IMPA2: variants seen among roughly 807,000 people sequenced by gnomAD.
IMPA2 encodes IMP 2.
IMPA2 carries 32 observed loss-of-function variants against 35.1 expected under a neutral mutation model. The ratio of observed to expected loss-of-function variants is 0.91; its 90% CI spans 0.69 to 1.23. The LOEUF is 1.23. IMPA2 is among the 50% of genes most tolerant of loss of function. The pLI is 0.00. For synonymous variants in IMPA2, 135 were observed against 160.6 expected (o/e 0.84, Z 1.20); for missense variants, 334 against 387.6 (o/e 0.86, Z 1.16).
intron 4 of IMPA2, among the ~76,000 whole-genome samples, chr18:12,012,541 G>A (rs1041953859): frequency 3.9e-5 from 6 of 152,176 alleles, no homozygotes; most frequent in East Asian, 1.9e-4. Flanking sequence ...CCCCTAGAGC[G>A]TGTGATCTCA....
At chr18:11,986,089 C>T (rs1361244308) in intron 1 of IMPA2, among the ~76,000 whole-genome samples, 1 of 152,134 alleles carries the variant, frequency 6.6e-6, no homozygotes, top group Non-Finnish European at 1.5e-5. Context: ...TTACTTGTAA[C>T]AAAATCTCAG....
rs916276443 is a variant in IMPA2 at position 12,013,938 on chromosome 18, A to G, written c.382-327A>G. 5.3e-5 allele frequency among the ~76,000 whole-genome samples: 8 copies of G among 152,332 alleles called. No homozygotes were observed. In the South Asian group the frequency reaches 1.7e-3, roughly 32 times the overall value. ...AAGTAACATTCTTTTTTTCAGCAACAAAAGGGGCCTTTCTAAAAAATTAAG... is the reference window on the plus strand; with the variant it reads ...AAGTAACATTCTTTTTTTCAGCAACGAAAGGGGCCTTTCTAAAAAATTAAG... On this transcript the variant is annotated intron_variant, in intron 4 of 7. Coordinates refer to ENST00000269159, the MANE Select transcript of IMPA2 (RefSeq NM_014214.3).
rs1374482621 is a variant in IMPA2 at position 12,020,420 on chromosome 18, C to T, written c.490+6047C>T. Among the ~76,000 whole-genome samples, 7 of 152,074 alleles carry T rather than the reference C, an allele frequency of 4.6e-5. No individual in the cohort carries two copies. In the South Asian group the frequency reaches 6.2e-4, roughly 13 times the overall value. ...GTTGGTCAGGCTGGTCTCGAACTCCCGATCTCAGGTGATCTGCCCGCCTCG... is the reference window on the plus strand; with the variant it reads ...GTTGGTCAGGCTGGTCTCGAACTCCTGATCTCAGGTGATCTGCCCGCCTCG... On this transcript the variant is annotated intron_variant, in intron 5 of 7. Transcript: ENST00000269159.
At chr18:12,007,655 CTTTCTTTCTTTCTTT>C (rs1568032926) in intron 2 of IMPA2, among the ~76,000 whole-genome samples, 3 of 137,014 alleles carry the variant, frequency 2.2e-5, no homozygotes, top group East Asian at 4.3e-4. Context: ...TTCTTTCTTT[CTTTCTTTCTTTCTTT>C]CTTTCTTTCC....
chr18:12,023,982 C>T (rs2143823132), intron 5 of IMPA2, among the ~76,000 whole-genome samples: 1 of 152,254 alleles, frequency 6.6e-6, no homozygotes, highest in Admixed American at 6.5e-5. Context: ...TCAGAAATCC[C>T]ACTTGTGTTC....
At position 11,986,752 on chromosome 18, in the gene IMPA2, A is replaced by G. The variant is rs185680122; in HGVS notation, c.96+4987A>G. Among the ~76,000 whole-genome samples the G allele has an allele frequency of 1.3e-3, 202 of 152,276 alleles. 5 individuals are homozygous for G. In the South Asian group the frequency reaches 0.017, roughly 13 times the overall value. On this transcript the variant is annotated intron_variant, in intron 1 of 7. Coordinates refer to ENST00000269159, the MANE Select transcript of IMPA2 (RefSeq NM_014214.3). Reference sequence around the variant, plus strand: ...CGGAGTCCCTGTTCTCAATTTTCTGAGAGTTACACCCATTTCTAAGTAATA... The same window carrying G: ...CGGAGTCCCTGTTCTCAATTTTCTGGGAGTTACACCCATTTCTAAGTAATA...
intron 1 of IMPA2, among the ~76,000 whole-genome samples, chr18:11,982,287 A>C (rs1466792392): frequency 3.9e-5 from 6 of 152,226 alleles, no homozygotes; most frequent in African/African-American, 1.4e-4. Flanking sequence ...CACTGCCCGG[A>C]AGGATGAAAA....
At chr18:12,007,631 CTTTCTT>C (rs1446198513) in intron 2 of IMPA2, among the ~76,000 whole-genome samples, 2 of 28,506 alleles carry the variant, frequency 7.0e-5, no homozygotes, top group Non-Finnish European at 2.1e-4. Flanking sequence ...TTTCTTTCTT[CTTTCTT>C]TCTTTCTTTC....
intron 5 of IMPA2, chr18:12,017,977 T>C (rs1189882698): frequency 5.9e-6 from 1 of 170,500 alleles, no homozygotes; most frequent in Non-Finnish European, 1.3e-5. Context: ...GTTTCACTCT[T>C]GTTGCCCAGG....
chr18:12,025,969 C>T (rs1032982406), intron 5 of IMPA2, among the ~76,000 whole-genome samples: 3 of 151,472 alleles, frequency 2.0e-5, no homozygotes, highest in Non-Finnish European at 4.4e-5. Context: ...AGTCCAATTT[C>T]TATTTTTTAA....
intron 2 of IMPA2, 103 bp downstream of exon 2, chr18:11,999,290 C>T: frequency 2.6e-6 from 3 of 1,158,814 alleles, no homozygotes; most frequent in Non-Finnish European, 3.6e-6. Flanking sequence ...GTTGATGTGG[C>T]CAGACGTGAA....
At chr18:12,000,334 CTTTTTTTTTTT>C (rs533943091) in intron 2 of IMPA2, among the ~76,000 whole-genome samples, 1 of 111,266 alleles carries the variant, frequency 9.0e-6, no homozygotes, top group African/African-American at 3.3e-5. Flanking sequence ...CCACCTGGCT[CTTTTTTTTTTT>C]TTTTTTTTTC....
intron 1 of IMPA2, among the ~76,000 whole-genome samples, chr18:11,987,989 C>A (rs6505700): frequency 0.15 from 21,175 of 140,466 alleles, 2,180 homozygotes; most frequent in East Asian, 0.3. Flanking sequence ...GTTAAATGCA[C>A]ATGTTTATTG....
rs1053980230 is a variant in IMPA2 at position 11,981,570 on chromosome 18, G to A, written c.-100G>A. ...ACTAGGCACAGAGCTGCGGGAGCAG[G>A]CACAGGGAGTGTGGAGCCTGGCGGC... On this transcript the variant is annotated 5_prime_UTR_variant, in exon 1 of 8. Transcript: ENST00000269159. The A allele has an allele frequency of 5.3e-6, 4 of 752,078 alleles. No individual in the cohort carries two copies. In the Admixed American group the frequency reaches 1.3e-4, roughly 25 times the overall value. The allele number at this position is 752,078 out of a possible 1,614,324, so 46.6% of individuals were successfully genotyped here.
In IMPA2 at chr18:12,029,008, C is replaced by A. The variant is rs774125257; in HGVS notation, c.751+15C>A. ...AGACACTTCGGGTGAGCTCTCCTGT[C>A]CCTGAAATGCAGCGGCAGAAACTAG... On this transcript the variant is annotated intron_variant, in intron 7 of 7. Transcript: ENST00000269159. The A allele has an allele frequency of 1.2e-5, 19 of 1,610,116 alleles. No homozygotes were observed. The highest frequency in any genetic ancestry group is 1.4e-5 in the Non-Finnish European group (17 of 1,178,920).
chr18:12,029,036 T>A (rs1206736975), intron 7 of IMPA2, 43 bp downstream of exon 7: 1 of 1,584,404 alleles, frequency 6.3e-7, no homozygotes, highest in South Asian at 1.1e-5. Context: ...GAAACTAGAC[T>A]GAGAGACACT....
At chr18:12,029,074 A>G (rs1907967727) in intron 7 of IMPA2, 81 bp downstream of exon 7, 2 of 1,128,872 alleles carry the variant, frequency 1.8e-6, no homozygotes, top group Non-Finnish European at 2.4e-6. Context: ...TGAAGTCCCC[A>G]CCAACTGAAT....
chr18:12,028,303 G>C (rs1384238304), intron 6 of IMPA2, 152 bp downstream of exon 6: 1 of 615,036 alleles, frequency 1.6e-6, no homozygotes. Flanking sequence ...GCCCTGTGAG[G>C]GGCCCGCCTG....
chr18:12,001,085 C>T (rs1351951012), intron 2 of IMPA2, among the ~76,000 whole-genome samples: 1 of 151,368 alleles, frequency 6.6e-6, no homozygotes, highest in African/African-American at 2.4e-5. Context: ...AAACATTAGC[C>T]GGGTGTGGTG....
Sources: allele counts gnomAD v4.1 joint callset (sites outside exome capture counted in the v4.1 genomes callset), GRCh38; gene constraint gnomAD v4.1.1; transcripts MANE v1.5; gene names NCBI Gene and HGNC (gene_info 2026-07-23, HGNC 2026-07-21).